SNX29: variants seen among roughly 807,000 people sequenced by gnomAD.
SNX29 encodes sorting nexin 29.
In SNX29, 78 loss-of-function variants were observed where a neutral mutation model predicts 102.1. The ratio of observed to expected loss-of-function variants is 0.76; its 90% CI spans 0.64 to 0.92. The LOEUF (loss-of-function observed/expected upper bound fraction) is 0.92. Ranked by LOEUF, SNX29 falls within the 40% of genes least tolerant of loss-of-function variation. The pLI, the probability that SNX29 is intolerant of heterozygous loss-of-function variation, is 0.00. For missense variants in SNX29, 1,280 were observed against 1,061.7 expected (o/e 1.21, Z -2.86); for synonymous variants, 580 against 414.5 (o/e 1.40, Z -4.85).
chr16:12,442,254 T>C (rs1026872128), intron 18 of SNX29, among the ~76,000 whole-genome samples: 7 of 152,228 alleles, frequency 4.6e-5, no homozygotes, highest in Non-Finnish European at 1.0e-4. Flanking sequence ...GTTTCTGGAC[T>C]CTTGACTCTG....
intron 14 of SNX29, among the ~76,000 whole-genome samples, chr16:12,251,899 A>G (rs1031510777): frequency 4.6e-5 from 7 of 152,050 alleles, no homozygotes; most frequent in Non-Finnish European, 1.0e-4. Flanking sequence ...AGCTAGAACT[A>G]TAGGTGTGTG....
Position 12,035,477 on chromosome 16 carries a change from G to A in SNX29, c.248-7420G>A, listed in dbSNP as rs140732583. On this transcript the variant is annotated intron_variant, in intron 4 of 20. Transcript: ENST00000566228. ...CCCTGGTTCTGGAAGGCACTCTTGC[G>A]GCTAGATGGAAGTTGGTAGAGTGAC... Among the ~76,000 whole-genome samples the A allele has an allele frequency of 4.9e-3, 747 of 152,278 alleles. 8 individuals are homozygous for A. Among genetic ancestry groups the A allele is most frequent in the South Asian group, 0.019 (92 of 4,818 alleles).
Position 12,540,625 on chromosome 16 carries a change from G to C in SNX29, c.2318+15784G>C, listed in dbSNP as rs9935640. Reference sequence around the variant, plus strand: ...AGATTCCATGGGGTGGACCTAAAGAGTCCAGGATCATCTCCCCATCTCAAA... The same window carrying C: ...AGATTCCATGGGGTGGACCTAAAGACTCCAGGATCATCTCCCCATCTCAAA... On this transcript the variant is annotated intron_variant, in intron 20 of 20. Transcript: ENST00000566228. 4.1e-3 allele frequency among the ~76,000 whole-genome samples: 621 copies of C among 152,264 alleles called. 4 individuals are homozygous for C. The highest frequency in any genetic ancestry group is 0.014 in the African/African-American group (601 of 41,532).
intron 19 of SNX29, among the ~76,000 whole-genome samples, chr16:12,488,424 G>C (rs1177667922): frequency 1.3e-5 from 2 of 151,092 alleles, no homozygotes; most frequent in East Asian, 3.9e-4. Flanking sequence ...CTGATTGACA[G>C]TTCTTCCTTC....
At chr16:12,069,785 T>G (rs9930286) in intron 10 of SNX29, among the ~76,000 whole-genome samples, 51,945 of 152,156 alleles carry the variant, frequency 0.34, 8,944 homozygotes, top group Admixed American at 0.4. Flanking sequence ...CTGCCTGCTG[T>G]GTTCACGCCA....
chr16:12,554,844 T>G (rs996801439), intron 20 of SNX29, among the ~76,000 whole-genome samples: 1 of 152,114 alleles, frequency 6.6e-6, no homozygotes, highest in African/African-American at 2.4e-5. Context: ...TTTCCGTAGG[T>G]GCCAGGGTGC....
chr16:12,458,829 A>T (rs1567584460), intron 18 of SNX29, among the ~76,000 whole-genome samples: 1 of 152,076 alleles, frequency 6.6e-6, no homozygotes. Context: ...CAGAGTGAGC[A>T]CTCACACAGG....
At chr16:12,533,772 G>A (rs115843978) in intron 20 of SNX29, among the ~76,000 whole-genome samples, 2,161 of 152,232 alleles carry the variant, frequency 0.014, 52 homozygotes, top group African/African-American at 0.05. Flanking sequence ...TTGTCAGCAG[G>A]GAGTGGTGTG....
rs536701829 is a variant in SNX29 at position 12,527,760 on chromosome 16, T to TCTCC, written c.2318+2920_2318+2923dup. Among the ~76,000 whole-genome samples the TCTCC allele has an allele frequency of 2.9e-3, 445 of 152,238 alleles. 3 individuals are homozygous for TCTCC. The highest frequency in any genetic ancestry group is 0.01 in the African/African-American group (427 of 41,552). ...CTGCACCCTGTGGACTGAGCCTGAT[T>TCTCC]CTCCAACTTATTTTATTTAGCCAGT... On this transcript the variant is annotated intron_variant, in intron 20 of 20. Transcript: ENST00000566228.
At chr16:11,995,933 G>A (rs965510228) in intron 1 of SNX29, among the ~76,000 whole-genome samples, 1 of 152,030 alleles carries the variant, frequency 6.6e-6, no homozygotes, top group African/African-American at 2.4e-5. Context: ...GGTGGTGCGT[G>A]CCTGTAATCC....
chr16:12,407,678 C>T (rs78413407), intron 18 of SNX29, among the ~76,000 whole-genome samples: 1 of 152,100 alleles, frequency 6.6e-6, no homozygotes, highest in Non-Finnish European at 1.5e-5. Flanking sequence ...AACTCTTACC[C>T]CATTTTATAG....
intron 14 of SNX29, among the ~76,000 whole-genome samples, chr16:12,227,661 G>A (rs906543864): frequency 2.6e-5 from 4 of 151,968 alleles, no homozygotes; most frequent in Admixed American, 6.6e-5. Flanking sequence ...GCACTTTGGC[G>A]GGCTGAGACA....
chr16:12,410,796 G>A (rs1006785215), intron 18 of SNX29, among the ~76,000 whole-genome samples: 7 of 152,180 alleles, frequency 4.6e-5, no homozygotes, highest in East Asian at 1.9e-4. Flanking sequence ...CAGGGAAAGC[G>A]TATTATTTTT....
chr16:11,992,230 G>T (rs1226232929), intron 1 of SNX29, among the ~76,000 whole-genome samples: 1 of 152,070 alleles, frequency 6.6e-6, no homozygotes, highest in Non-Finnish European at 1.5e-5. Context: ...GGAGTTGGAG[G>T]CTGCAGTGAG....
chr16:12,325,843 A>G (rs374495237), intron 15 of SNX29, among the ~76,000 whole-genome samples: 93 of 152,176 alleles, frequency 6.1e-4, no homozygotes, highest in African/African-American at 2.1e-3. Flanking sequence ...CCTGGACAAC[A>G]CAACAAGATC....
At chr16:12,279,273 G>C (rs2079354775) in intron 15 of SNX29, among the ~76,000 whole-genome samples, 2 of 152,220 alleles carry the variant, frequency 1.3e-5, no homozygotes, top group South Asian at 4.1e-4. Flanking sequence ...GGCCTTGGAG[G>C]GTGTTCCCCT....
intron 20 of SNX29, among the ~76,000 whole-genome samples, chr16:12,536,481 T>G (rs2077084869): frequency 6.6e-6 from 1 of 152,170 alleles, no homozygotes; most frequent in African/African-American, 2.4e-5. Flanking sequence ...ACTTTATCAG[T>G]GATCCTGGAT....
chr16:12,292,293 G>C (rs1050774664), intron 15 of SNX29, among the ~76,000 whole-genome samples: 23 of 152,286 alleles, frequency 1.5e-4, no homozygotes, highest in African/African-American at 4.6e-4. Context: ...TTTTAGCACT[G>C]TTTGTCATTC....
chr16:12,237,280 C>T (rs1405293034), intron 14 of SNX29, among the ~76,000 whole-genome samples: 1 of 152,258 alleles, frequency 6.6e-6, no homozygotes, highest in South Asian at 2.1e-4. Flanking sequence ...CAGCGAGAAT[C>T]ACAAAGTGTG....
Sources: allele counts gnomAD v4.1 joint callset (sites outside exome capture counted in the v4.1 genomes callset), GRCh38; gene constraint gnomAD v4.1.1; transcripts MANE v1.5; gene names NCBI Gene and HGNC (gene_info 2026-07-23, HGNC 2026-07-21).